TNIP1: variants seen among roughly 807,000 people sequenced by gnomAD.
The protein encoded by TNIP1 is TNFAIP3 interacting protein 1, also known as TNFAIP3-interacting protein 1.
A neutral mutation model predicts 86.6 loss-of-function variants in TNIP1; 22 were observed. That is an observed-to-expected ratio of 0.25 (90% CI 0.18 to 0.36). The LOEUF is 0.36. TNIP1 is among the 10% of genes least tolerant of loss of function. The pLI, the probability that TNIP1 is intolerant of heterozygous loss-of-function variation, is 1.00. For synonymous variants in TNIP1, 294 were observed against 313.0 expected, an observed-to-expected ratio of 0.94 and a Z score of 0.64; for missense variants, 709 against 820.6, an observed-to-expected ratio of 0.86 and a Z score of 1.66.
At chr5:151,085,638 G>C (rs1302969585), upstream of TNIP1, among the ~76,000 whole-genome samples, 1 of 152,184 alleles carries the variant, frequency 6.6e-6, no homozygotes, top group African/African-American at 2.4e-5. Context: ...ACGTGGCCTA[G>C]CCAGGCCCCT....
At chr5:151,036,412 T>C (rs570200012) in intron 13 of TNIP1, among the ~76,000 whole-genome samples, 4 of 152,308 alleles carry the variant, frequency 2.6e-5, no homozygotes, top group South Asian at 4.1e-4. Flanking sequence ...TTTAATAACA[T>C]TGTTCTGTTT....
At chr5:151,059,828 A>AGAGAGAGAGAGAGAGAGAGAGG (rs1554076446) in intron 5 of TNIP1, among the ~76,000 whole-genome samples, 1 of 56,398 alleles carries the variant, frequency 1.8e-5, no homozygotes, top group Admixed American at 2.1e-4. Context: ...AGAGAGAGAG[A>AGAGAGAGAGAGAGAGAGAGAGG]GTGTGTGTGT....
At chr5:151,063,772 C>A in intron 2 of TNIP1, 25 bp from the exon 3 acceptor site, 1 of 1,608,246 alleles carries the variant, frequency 6.2e-7, no homozygotes, top group Non-Finnish European at 8.5e-7. Context: ...GAAGAGGAAG[C>A]AAAAGCATTT....
chr5:151,034,421 G>T, intron 15 of TNIP1: 1 of 289,380 alleles, frequency 3.5e-6, no homozygotes, highest in South Asian at 2.8e-5. Flanking sequence ...GGCACGGAAG[G>T]CTGGGTACAT....
At chr5:151,060,295 CG>C (rs1561515155) in intron 5 of TNIP1, 22 bp downstream of exon 5, 3 of 1,613,342 alleles carry the variant, frequency 1.9e-6, no homozygotes, top group Admixed American at 3.3e-5. Flanking sequence ...AGGTCAAGCC[CG>C]GGGTCCTGCC....
chr5:151,055,589 C>G (rs79563056), intron 6 of TNIP1, among the ~76,000 whole-genome samples: 3,407 of 152,340 alleles, frequency 0.022, 62 homozygotes, highest in Non-Finnish European at 0.03. Flanking sequence ...ACACCCCTCC[C>G]CTCCAGGTGG....
At chr5:151,038,988 C>G in intron 12 of TNIP1, 109 bp downstream of exon 12, 1 of 1,431,722 alleles carries the variant, frequency 7.0e-7, no homozygotes, top group Non-Finnish European at 9.3e-7. Context: ...AGCTCACTGA[C>G]TGGGGGTTAC....
At chr5:151,046,137 GA>G (rs1759136147) in intron 8 of TNIP1, 187 bp from the exon 9 acceptor site, 22 of 583,098 alleles carry the variant, frequency 3.8e-5, no homozygotes, top group Non-Finnish European at 6.5e-5. Flanking sequence ...TCTACAAGAT[GA>G]TGATTCCCCC....
chr5:151,062,388 G>A (rs1761692160), intron 3 of TNIP1, among the ~76,000 whole-genome samples, 176 bp from the exon 4 acceptor site: 1 of 152,196 alleles, frequency 6.6e-6, no homozygotes, highest in East Asian at 1.9e-4. Context: ...GCCTGCCCTG[G>A]AGTGACGGGG....
At chr5:151,084,387 A>G (rs1438913366), upstream of TNIP1, among the ~76,000 whole-genome samples, 4 of 151,394 alleles carry the variant, frequency 2.6e-5, no homozygotes, top group African/African-American at 7.3e-5. Context: ...GGAGGTTGCA[A>G]TGAGCCAAGA....
At chr5:151,045,485 C>T (rs1021900677) in intron 9 of TNIP1, among the ~76,000 whole-genome samples, 26 of 152,118 alleles carry the variant, frequency 1.7e-4, no homozygotes, top group African/African-American at 6.0e-4. Context: ...ATGATGGGTC[C>T]TCCCTAAAGC....
intron 1 of TNIP1, among the ~76,000 whole-genome samples, chr5:151,066,407 G>A (rs3792789): frequency 0.5 from 75,831 of 151,968 alleles, 22,484 homozygotes; most frequent in East Asian, 0.75. Flanking sequence ...TTGGGGGCTC[G>A]GCACCTTCCT....
In TNIP1 at chr5:151,060,325, T is replaced by C. The variant is rs1331217720; in HGVS notation, c.428A>G (p.Asn143Ser). 1.9e-6 allele frequency: 3 copies of C among 1,614,060 alleles called. No homozygotes were observed. The highest frequency in any genetic ancestry group is 1.7e-5 in the Admixed American group (1 of 60,028). ...TCCTGCCCGTCCACTCACCATCGCATTGGCATGGCTGCTGCTCTCTGGTGA... is the reference window on the plus strand; with the variant it reads ...TCCTGCCCGTCCACTCACCATCGCACTGGCATGGCTGCTGCTCTCTGGTGA... ...QNSPESSSHANAMALGPLPRE... is the reference protein window; with the variant it reads ...QNSPESSSHASAMALGPLPRE... Residue 143 changes from asparagine (N) to serine (S), a missense_variant, in exon 5 of 18, where the codon AAT (asparagine) becomes AGT (serine). Asn to Ser is a conservative substitution (Grantham distance 46). Coordinates refer to ENST00000521591, the MANE Select transcript of TNIP1 (RefSeq NM_006058.5).
At chr5:151,041,363 G>A (rs1461888617) in intron 11 of TNIP1, among the ~76,000 whole-genome samples, 1 of 152,050 alleles carries the variant, frequency 6.6e-6, no homozygotes, top group East Asian at 1.9e-4. Context: ...GAGCCACCAT[G>A]CCTGGCCATA....
chr5:151,064,837 G>T (rs1581877269), intron 2 of TNIP1, 123 bp downstream of exon 2: 1 of 1,411,098 alleles, frequency 7.1e-7, no homozygotes, highest in East Asian at 2.3e-5. Context: ...GCTGGGCCAG[G>T]AGGGACAGGG....
At chr5:151,084,005 C>T (rs1581957358), upstream of TNIP1, among the ~76,000 whole-genome samples, 2 of 152,316 alleles carry the variant, frequency 1.3e-5, no homozygotes, top group South Asian at 4.1e-4. Context: ...AGATGACTTG[C>T]CCAAGGTCTT....
chr5:151,044,317 C>G (rs778511313), intron 9 of TNIP1, among the ~76,000 whole-genome samples: 1 of 152,044 alleles, frequency 6.6e-6, no homozygotes, highest in Non-Finnish European at 1.5e-5. Flanking sequence ...GCTGGGATTA[C>G]AGGTGTGAGC....
chr5:151,058,441 C>T (rs1227171605), intron 5 of TNIP1, among the ~76,000 whole-genome samples: 3 of 152,228 alleles, frequency 2.0e-5, no homozygotes, highest in Non-Finnish European at 4.4e-5. Flanking sequence ...ACACCAATTC[C>T]ACTCCCAAGG....
At chr5:151,082,834 C>T (rs1238038051), upstream of TNIP1, among the ~76,000 whole-genome samples, 1 of 152,200 alleles carries the variant, frequency 6.6e-6, no homozygotes, top group African/African-American at 2.4e-5. Flanking sequence ...TTTATAAAGT[C>T]GTGACTGCCC....
Sources: allele counts gnomAD v4.1 joint callset (sites outside exome capture counted in the v4.1 genomes callset), GRCh38; gene constraint gnomAD v4.1.1; transcripts MANE v1.5; gene names NCBI Gene and HGNC (gene_info 2026-07-23, HGNC 2026-07-21).